The following SCN3A variants were observed in gnomAD, a reference collection of about 807,000 sequenced individuals.
The protein encoded by SCN3A is sodium voltage-gated channel alpha subunit 3, also known as sodium channel protein type 3 subunit alpha.
A neutral mutation model predicts 187.6 loss-of-function variants in SCN3A; 60 were observed. That is an observed-to-expected ratio of 0.32 (90% CI 0.26 to 0.40). The LOEUF (loss-of-function observed/expected upper bound fraction) is 0.40, where lower values mean the gene tolerates loss of function less well. Ranked by LOEUF, SCN3A falls within the 10% of genes least tolerant of loss-of-function variation. The pLI, the probability that SCN3A is intolerant of heterozygous loss-of-function variation, is 1.00. For synonymous variants in SCN3A, 788 were observed against 829.2 expected (o/e 0.95, Z 0.85); for missense variants, 1,601 against 2,428.2 (o/e 0.66, Z 7.16).
chr2:165,149,309 G>T (rs1688542274), intron 11 of SCN3A, among the ~76,000 whole-genome samples: 1 of 151,940 alleles, frequency 6.6e-6, no homozygotes, highest in South Asian at 2.1e-4. Flanking sequence ...TGAGTAGCTA[G>T]GATTACAGGC....
At chr2:165,181,737 T>C (rs1213334099) in intron 2 of SCN3A, among the ~76,000 whole-genome samples, 1 of 152,140 alleles carries the variant, frequency 6.6e-6, no homozygotes, top group African/African-American at 2.4e-5. Flanking sequence ...CAAGTGAAAG[T>C]GGTGTTCCAT....
Position 165,137,891 on chromosome 2 carries a change from A to G in SCN3A, c.2379T>C (p.Thr793=), listed in dbSNP as rs777088894. 6.2e-7 allele frequency: 1 copy of G among 1,610,902 alleles called. No individual in the cohort carries two copies. Among genetic ancestry groups the G allele is most frequent in the East Asian group, 2.2e-5 (1 of 44,822 alleles). The change falls in exon 15 of 28, where the codon ACT becomes ACC. Residue 793 remains threonine, a synonymous_variant. Coordinates refer to ENST00000283254, the MANE Select transcript of SCN3A (RefSeq NM_006922.4). Reference sequence around the variant, plus strand: ...CAAATGTACTTACCAGGTTTCCTACAGTCAACACACTACTGAATTGCTCAG... The same window carrying G: ...CAAATGTACTTACCAGGTTTCCTACGGTCAACACACTACTGAATTGCTCAG... ...PMTEQFSSVL[T]VGNLVFTGIF...
intron 1 of SCN3A, among the ~76,000 whole-genome samples, chr2:165,196,202 T>A (rs964913404): frequency 1.2e-4 from 18 of 151,696 alleles, no homozygotes; most frequent in Admixed American, 2.6e-4. Flanking sequence ...TTTTTTTTTT[T>A]AAATAAATGA....
chr2:165,175,257 C>T (rs770197748), intron 3 of SCN3A, among the ~76,000 whole-genome samples: 6 of 152,102 alleles, frequency 3.9e-5, no homozygotes, highest in Admixed American at 1.3e-4. Flanking sequence ...GCTATTTTTA[C>T]GCTTTTAAGT....
At chr2:165,168,997 C>G (rs1245219713) in intron 4 of SCN3A, among the ~76,000 whole-genome samples, 172 bp from the exon 5 acceptor site, 2 of 151,792 alleles carry the variant, frequency 1.3e-5, no homozygotes, top group Non-Finnish European at 2.9e-5. Context: ...CCTTGGTGCA[C>G]TCTTTTTTTC....
rs1218717535 is a variant in SCN3A at position 165,127,623 on chromosome 2, A to G, written c.3393+8T>C. On this transcript the variant is annotated splice_region_variant and intron_variant, in intron 18 of 27. Coordinates refer to ENST00000283254, the MANE Select transcript of SCN3A (RefSeq NM_006922.4). ...GAAATGGAACAAAAAATTTAAAAGC[A>G]TTCTTACCTCTTTGCTTTCTTCTAG... The G allele has an allele frequency of 1.2e-6, 2 of 1,610,034 alleles. No homozygotes were observed. The highest frequency in any genetic ancestry group is 1.7e-6 in the Non-Finnish European group (2 of 1,177,064).
chr2:165,111,569 T>C (rs1686119966), intron 21 of SCN3A, among the ~76,000 whole-genome samples: 1 of 148,672 alleles, frequency 6.7e-6, no homozygotes, highest in Non-Finnish European at 1.5e-5. Context: ...AATGGATCAG[T>C]TAGGCAGAAA....
At chr2:165,097,967 A>G (rs775155947) in intron 22 of SCN3A, among the ~76,000 whole-genome samples, 12 of 152,202 alleles carry the variant, frequency 7.9e-5, no homozygotes, top group Non-Finnish European at 1.5e-4. Context: ...AATGCCTTAA[A>G]TCTATATTCT....
chr2:165,182,284 C>T (rs1271025237), intron 2 of SCN3A, among the ~76,000 whole-genome samples: 1 of 152,158 alleles, frequency 6.6e-6, no homozygotes, highest in Non-Finnish European at 1.5e-5. Flanking sequence ...CTGACTATAG[C>T]TCTGGTACCA....
At chr2:165,116,653 T>C (rs1686381707) in intron 18 of SCN3A, among the ~76,000 whole-genome samples, 1 of 152,148 alleles carries the variant, frequency 6.6e-6, no homozygotes, top group African/African-American at 2.4e-5. Flanking sequence ...CAGTTCATGT[T>C]GGGGAAATTT....
At chr2:165,199,336 T>C (rs1239851288) in intron 1 of SCN3A, among the ~76,000 whole-genome samples, 1 of 151,984 alleles carries the variant, frequency 6.6e-6, no homozygotes, top group Non-Finnish European at 1.5e-5. Context: ...GAAAACCTAA[T>C]TCAATTCTTA....
chr2:165,197,052 C>G (rs1692008417), intron 1 of SCN3A, among the ~76,000 whole-genome samples: 1 of 152,076 alleles, frequency 6.6e-6, no homozygotes, highest in Non-Finnish European at 1.5e-5. Flanking sequence ...TAACCAGTAG[C>G]TGAATCAACT....
At chr2:165,153,756 A>T (rs1688838430) in intron 11 of SCN3A, among the ~76,000 whole-genome samples, 1 of 152,144 alleles carries the variant, frequency 6.6e-6, no homozygotes, top group South Asian at 2.1e-4. Flanking sequence ...TATAATTCTA[A>T]CTGGCATGAA....
intron 7 of SCN3A, 133 bp downstream of exon 7, chr2:165,163,485 A>G: frequency 9.0e-7 from 1 of 1,107,952 alleles, no homozygotes; most frequent in Non-Finnish European, 1.3e-6. Context: ...CTAAACTGAC[A>G]TTGAAACATC....
rs778953943 is a variant in SCN3A at position 165,127,970 on chromosome 2, C to G, written c.3054G>C (p.Val1018=). 1.2e-6 allele frequency: 2 copies of G among 1,614,090 alleles called. No individual in the cohort carries two copies. Among genetic ancestry groups the G allele is most frequent in the East Asian group, 4.5e-5 (2 of 44,870 alleles). The part of the protein sequence containing the change: ...VGRMQKGIDY[V]KNKMRECFQK... ...GGAAACACTCCCGCATCTTATTTTTCACATAATCAATTCCCTTTTGCATTC... is the reference window on the plus strand; with the variant it reads ...GGAAACACTCCCGCATCTTATTTTTGACATAATCAATTCCCTTTTGCATTC... Residue 1018 remains valine (V), a synonymous_variant, in exon 18 of 28, where the codon GTG becomes GTC. Coordinates refer to ENST00000283254, the MANE Select transcript of SCN3A (RefSeq NM_006922.4).
intron 9 of SCN3A, 54 bp downstream of exon 9, chr2:165,162,254 C>CTTT: frequency 4.5e-6 from 6 of 1,347,410 alleles, no homozygotes; most frequent in Admixed American, 2.0e-5. Context: ...TTCCTACCTA[C>CTTT]TTTTTTTTTT....
chr2:165,146,229 A>G (rs1688311306), intron 12 of SCN3A, among the ~76,000 whole-genome samples: 1 of 152,018 alleles, frequency 6.6e-6, no homozygotes, highest in African/African-American at 2.4e-5. Flanking sequence ...TTCAAAATTT[A>G]TATGTATGTT....
intron 9 of SCN3A, among the ~76,000 whole-genome samples, chr2:165,157,001 C>T (rs1340792134): frequency 6.6e-6 from 1 of 152,046 alleles, no homozygotes; most frequent in African/African-American, 2.4e-5. Context: ...AGCTCCGCCT[C>T]CCAGGTTCAC....
intron 3 of SCN3A, among the ~76,000 whole-genome samples, chr2:165,173,806 C>T (rs770262800): frequency 1.3e-5 from 2 of 152,130 alleles, no homozygotes; most frequent in Non-Finnish European, 2.9e-5. Flanking sequence ...TTTAATAGCA[C>T]CTCAATCTTC....
Sources: gnomAD v4.1 joint callset for allele counts (sites outside exome capture counted in the v4.1 genomes callset) on GRCh38, gnomAD v4.1.1 for gene constraint, MANE v1.5 for transcripts, NCBI Gene and HGNC (gene_info 2026-07-23, HGNC 2026-07-21) for gene names.